KCNN2: variants seen among roughly 807,000 people sequenced by gnomAD.
KCNN2 encodes the protein potassium calcium-activated channel subfamily N member 2.
Under a neutral mutation model 55.5 loss-of-function variants are expected in KCNN2, and 24 were observed. The ratio of observed to expected loss-of-function variants is 0.43; its 90% CI spans 0.31 to 0.61. The LOEUF (loss-of-function observed/expected upper bound fraction) is 0.61. Among genes scored for constraint, KCNN2 ranks in the 20% least tolerant of loss-of-function variants. The probability of loss-of-function intolerance (pLI) is 0.08; values close to 1 mark genes in which losing one functional copy is unlikely to be tolerated. For missense variants in KCNN2, 754 were observed against 853.6 expected (o/e 0.88, Z 1.45); for synonymous variants, 431 against 336.1 (o/e 1.28, Z -3.09).
chr5:114,150,663 A>T (rs559436527), intron 1 of KCNN2, among the ~76,000 whole-genome samples: 1 of 152,274 alleles, frequency 6.6e-6, no homozygotes, highest in Admixed American at 6.5e-5. Context: ...TCAAATGGAA[A>T]CTACACCAAG....
In KCNN2 at chr5:114,185,161, G is replaced by A. The variant is rs1367052388; in HGVS notation, c.-270-36319G>A. Among the ~76,000 whole-genome samples, 3 of 152,344 alleles carry A rather than the reference G, an allele frequency of 2.0e-5. No individual in the cohort carries two copies. The East Asian group carries it at 5.8e-4, about 29-fold the overall frequency. On this transcript the variant is annotated intron_variant, in intron 1 of 10. Coordinates refer to the KCNN2 transcript ENST00000512097. ...TTAAAAAAGGTTAAAAGGAAAGAGA[G>A]GAAAAGTGTAGAACTAGGAGTAAGT...
chr5:114,373,334 A>G (rs954780749), intron 2 of KCNN2, among the ~76,000 whole-genome samples: 11 of 151,884 alleles, frequency 7.2e-5, no homozygotes, highest in African/African-American at 2.7e-4. Flanking sequence ...TATAGAAACA[A>G]TGGGAAAGCA....
At chr5:114,203,472 T>C (rs983286336) in intron 1 of KCNN2, among the ~76,000 whole-genome samples, 6 of 152,250 alleles carry the variant, frequency 3.9e-5, no homozygotes, top group African/African-American at 1.2e-4. Flanking sequence ...AATATAAATT[T>C]ATCCTTCTCT....
intron 2 of KCNN2, among the ~76,000 whole-genome samples, chr5:114,366,574 A>C (rs1757608418): frequency 1.3e-5 from 2 of 152,354 alleles, no homozygotes; most frequent in South Asian, 4.1e-4. Context: ...CAAGAACCAG[A>C]AAAAGGTAAA....
intron 5 of KCNN2, among the ~76,000 whole-genome samples, chr5:114,478,067 C>T (rs1762053237): frequency 6.6e-6 from 1 of 152,160 alleles, no homozygotes; most frequent in South Asian, 2.1e-4. Context: ...ACCCAGGCCT[C>T]ATACACCTGA....
chr5:114,380,956 G>C (rs1758104626), intron 2 of KCNN2, among the ~76,000 whole-genome samples: 1 of 152,192 alleles, frequency 6.6e-6, no homozygotes, highest in South Asian at 2.1e-4. Context: ...GAACAGACCT[G>C]AAGTGGATAA....
At chr5:114,290,150 T>C (rs1360514697) in intron 2 of KCNN2, among the ~76,000 whole-genome samples, 1 of 152,216 alleles carries the variant, frequency 6.6e-6, no homozygotes, top group African/African-American at 2.4e-5. Flanking sequence ...CCTCTTATTC[T>C]GTTAATTTGG....
At position 114,306,676 on chromosome 5, in the gene KCNN2, T is replaced by C. The variant is rs532247665; in HGVS notation, c.-184-54269T>C. On this transcript the variant is annotated intron_variant, in intron 2 of 10. Coordinates refer to the KCNN2 transcript ENST00000512097. ...ACCTTTACTACCCACCTTTCATCAG[T>C]TCACACTTAAATTTTTTTTTTTTCT... Among the ~76,000 whole-genome samples the C allele has an allele frequency of 1.5e-3, 225 of 149,728 alleles. 1 individual carries two copies. Among genetic ancestry groups the C allele is most frequent in the African/African-American group, 5.4e-3 (219 of 40,774 alleles).
chr5:114,115,287 G>A (rs184613699), intron 1 of KCNN2, among the ~76,000 whole-genome samples: 1 of 152,100 alleles, frequency 6.6e-6, no homozygotes, highest in Non-Finnish European at 1.5e-5. Context: ...TTATTAACTT[G>A]CTTTTTAAGC....
chr5:114,280,005 G>A (rs1257058428), intron 2 of KCNN2, among the ~76,000 whole-genome samples: 1 of 152,174 alleles, frequency 6.6e-6, no homozygotes, highest in Admixed American at 6.5e-5. Flanking sequence ...ACTGGTGTAA[G>A]ATGGTATCTC....
intron 1 of KCNN2, among the ~76,000 whole-genome samples, chr5:114,142,670 A>G (rs1752310592): frequency 6.6e-6 from 1 of 152,148 alleles, no homozygotes; most frequent in Non-Finnish European, 1.5e-5. Context: ...GATGTGAAGG[A>G]CCTCTTCAAG....
At chr5:114,305,442 G>A (rs996486831) in intron 2 of KCNN2, among the ~76,000 whole-genome samples, 5 of 152,170 alleles carry the variant, frequency 3.3e-5, no homozygotes, top group Non-Finnish European at 7.3e-5. Flanking sequence ...TTATCTCTGT[G>A]TTGGGGTACC....
intron 2 of KCNN2, among the ~76,000 whole-genome samples, chr5:114,299,258 A>G (rs1414906495): frequency 6.6e-6 from 1 of 152,010 alleles, no homozygotes; most frequent in Non-Finnish European, 1.5e-5. Flanking sequence ...CACATACACA[A>G]ATATCCTGTT....
In KCNN2 at chr5:114,362,992, CACA is replaced by C. The variant is rs762325700; in HGVS notation, c.859_861del (p.Asn287del). ...CGAGATCGTGGTGTCTAAGCCCGAGCACAACAACTCCAACAACCTGGCGCTCTA... is the reference window on the plus strand; with the variant it reads ...CGAGATCGTGGTGTCTAAGCCCGAGCACAACTCCAACAACCTGGCGCTCTA... On this transcript the variant is annotated inframe_deletion, in exon 1 of 8. Transcript: ENST00000673685. The C allele has an allele frequency of 4.0e-5, 63 of 1,593,336 alleles. No individual in the cohort carries two copies. Among genetic ancestry groups the C allele is most frequent in the South Asian group, 2.2e-4 (20 of 89,952 alleles).
intron 1 of KCNN2, among the ~76,000 whole-genome samples, chr5:114,116,719 T>C (rs1345951979): frequency 1.3e-5 from 2 of 152,148 alleles, no homozygotes; most frequent in Non-Finnish European, 2.9e-5. Context: ...CTGCAGTTAT[T>C]TTGATTTGGT....
intron 5 of KCNN2, chr5:114,486,753 C>T (rs1249285806): frequency 3.8e-6 from 5 of 1,300,436 alleles, no homozygotes; most frequent in South Asian, 3.8e-5. Context: ...ACTCAACACC[C>T]CTTGATTAAA....
chr5:114,361,757 C>G (rs770474331), upstream of KCNN2, among the ~76,000 whole-genome samples: 1 of 152,182 alleles, frequency 6.6e-6, no homozygotes, highest in Non-Finnish European at 1.5e-5. Context: ...GCGCCTTTCT[C>G]TTTTCTCCTC....
In KCNN2 at chr5:114,436,452, T is replaced by G. The variant is rs2150091096; in HGVS notation, c.1638-26597T>G. ...AACAAATGCCTCAGATTAAACAATCTTGATTTACTTGTATGTCATTTGATC... is the reference window on the plus strand; with the variant it reads ...AACAAATGCCTCAGATTAAACAATCGTGATTTACTTGTATGTCATTTGATC... On this transcript the variant is annotated intron_variant, in intron 3 of 7. Transcript: ENST00000673685. 2.0e-5 allele frequency among the ~76,000 whole-genome samples: 3 copies of G among 152,350 alleles called. No individual in the cohort carries two copies. In the South Asian group the frequency reaches 6.2e-4, roughly 32 times the overall value.
intron 1 of KCNN2, among the ~76,000 whole-genome samples, chr5:114,093,050 C>A (rs982043684): frequency 6.6e-6 from 1 of 152,128 alleles, no homozygotes; most frequent in South Asian, 2.1e-4. Flanking sequence ...TTTTTCTTTT[C>A]TGTCACATTG....
Sources: allele counts gnomAD v4.1 joint callset (sites outside exome capture counted in the v4.1 genomes callset), GRCh38; gene constraint gnomAD v4.1.1; transcripts MANE v1.5; gene names NCBI Gene and HGNC (gene_info 2026-07-23, HGNC 2026-07-21).